Variants in CEACAM8 observed in about 807,000 individuals in gnomAD.
The protein encoded by CEACAM8 is cell adhesion molecule CEACAM8.
In CEACAM8, 31 loss-of-function variants were observed where a neutral mutation model predicts 33.4. That is an observed-to-expected ratio of 0.93 (90% CI 0.70 to 1.25). CEACAM8 has a LOEUF of 1.25. Ranked by LOEUF, CEACAM8 falls within the 50% of genes most tolerant of loss-of-function variation. The pLI, the probability that CEACAM8 is intolerant of heterozygous loss-of-function variation, is 0.00. For synonymous variants in CEACAM8, 138 were observed against 164.5 expected (o/e 0.84, Z 1.23); for missense variants, 388 against 434.6 (o/e 0.89, Z 0.95).
Position 42,589,005 on chromosome 19 carries a change from T to A in CEACAM8, c.737A>T (p.Asp246Val), listed in dbSNP as rs745750235. 4.0e-5 allele frequency: 64 copies of A among 1,613,808 alleles called. No individual in the cohort carries two copies. The highest frequency in any genetic ancestry group is 4.2e-5 in the Non-Finnish European group (50 of 1,179,858). Residue 246 changes from aspartate to valine, a missense_variant, in exon 4 of 6, where the codon GAC (aspartate) becomes GTC (valine). Transcript: ENST00000244336. Reference sequence around the variant, plus strand: ...ATTTACCCCTGCATGGTAATAGGTGTCTGAAGGGGAAATGGTGGGGGCATC... The same window carrying A: ...ATTTACCCCTGCATGGTAATAGGTGACTGAAGGGGAAATGGTGGGGGCATC... ...GPDAPTISPS[D>V]TYYHAGVNLN...
chr19:42,589,391 G>T, intron 3 of CEACAM8, 66 bp downstream of exon 3: 2 of 1,609,238 alleles, frequency 1.2e-6, no homozygotes, highest in South Asian at 1.1e-5. Context: ...GGACTGAGAG[G>T]CCTGGCCTCT....
intron 3 of CEACAM8, 84 bp from the exon 4 acceptor site, chr19:42,589,122 C>A: frequency 6.6e-7 from 1 of 1,510,656 alleles, no homozygotes. Flanking sequence ...CAGTGTCCCT[C>A]TGAGCCAAGT....
In CEACAM8 at chr19:42,580,902, A is replaced by C. The variant is rs1415984714; in HGVS notation, c.*492T>G. On this transcript the variant is annotated 3_prime_UTR_variant, in exon 6 of 6. Coordinates refer to ENST00000244336, the MANE Select transcript of CEACAM8 (RefSeq NM_001816.4). ...AGTCAGGAGATTGAGACCACAGTGA[A>C]ACCCCGTCTCTACTAAAAATACAAA... The C allele has an allele frequency of 6.6e-6, 1 of 152,000 alleles. No individual in the cohort carries two copies. Among genetic ancestry groups the C allele is most frequent in the Non-Finnish European group, 1.5e-5 (1 of 68,006 alleles). The allele number at this position is 152,000 out of a possible 1,614,324, so 9.4% of individuals were successfully genotyped here.
In CEACAM8 at chr19:42,594,825, C is replaced by T; in HGVS notation, c.4G>A (p.Gly2Arg). 1 of 1,610,192 alleles carries T rather than the reference C, an allele frequency of 6.2e-7. No individual in the cohort carries two copies. Residue 2 changes from glycine to arginine, a missense_variant, in exon 1 of 6, where the codon GGG becomes AGG. Gly to Arg is a moderately radical substitution (Grantham distance 125, BLOSUM62 -2). Transcript: ENST00000244336. Reference sequence around the variant, plus strand: ...CTGCAGGAAGGGGCTGAGATGGGCCCCATGGTCTCTGCTGCCTGCGTGTTC... The same window carrying T: ...CTGCAGGAAGGGGCTGAGATGGGCCTCATGGTCTCTGCTGCCTGCGTGTTC... M[G>R]PISAPSCRWR...
At chr19:42,581,944 T>TATATATATATATATATATATAA (rs2042267891) in intron 5 of CEACAM8, among the ~76,000 whole-genome samples, 1 of 101,066 alleles carries the variant, frequency 9.9e-6, no homozygotes, top group African/African-American at 4.0e-5. Context: ...TATATATATA[T>TATATATATATATATATATATAA]ATAAAATAAG....
intron 5 of CEACAM8, among the ~76,000 whole-genome samples, chr19:42,582,552 C>G (rs2042275243): frequency 6.6e-6 from 1 of 151,594 alleles, no homozygotes; most frequent in Non-Finnish European, 1.5e-5. Context: ...AGGTTGCTTG[C>G]TTTGAAGGGT....
At chr19:42,584,065 GT>G (rs2042295739) in intron 4 of CEACAM8, among the ~76,000 whole-genome samples, 2 of 152,198 alleles carry the variant, frequency 1.3e-5, no homozygotes, top group East Asian at 1.9e-4. Context: ...ATCTCAGTGG[GT>G]TAAAAACTAA....
intron 4 of CEACAM8, among the ~76,000 whole-genome samples, chr19:42,583,866 A>G (rs542023572): frequency 2.6e-5 from 4 of 152,342 alleles, no homozygotes; most frequent in African/African-American, 7.2e-5. Context: ...AGGACGCCCC[A>G]TCAGCCTTGC....
chr19:42,592,341 A>C (rs774840063), intron 2 of CEACAM8, among the ~76,000 whole-genome samples: 78 of 152,198 alleles, frequency 5.1e-4, no homozygotes, highest in Admixed American at 2.2e-3. Context: ...GCAGTGGCTC[A>C]TGCCTGTAAT....
intron 4 of CEACAM8, among the ~76,000 whole-genome samples, chr19:42,586,769 A>T (rs939093624): frequency 6.6e-6 from 1 of 152,236 alleles, no homozygotes; most frequent in Non-Finnish European, 1.5e-5. Context: ...TTTATATATC[A>T]AAGAACATTG....
In CEACAM8 at chr19:42,581,108, C is replaced by T. The variant is rs948589138; in HGVS notation, c.*286G>A. 4 of 148,868 alleles carry T rather than the reference C, an allele frequency of 2.7e-5. No individual in the cohort carries two copies. Among genetic ancestry groups the T allele is most frequent in the African/African-American group, 9.9e-5 (4 of 40,446 alleles). The allele number at this position is 148,868 out of a possible 1,614,324, so 9.2% of individuals were successfully genotyped here. ...AAAAAAAAAAAAAAAATCTTAAAAA[C>T]ATTATCCTCATTATTATTTAGTTCA... On this transcript the variant is annotated 3_prime_UTR_variant, in exon 6 of 6. Coordinates refer to ENST00000244336, the MANE Select transcript of CEACAM8 (RefSeq NM_001816.4).
intron 4 of CEACAM8, among the ~76,000 whole-genome samples, chr19:42,587,974 G>A (rs986077819): frequency 6.6e-6 from 1 of 152,170 alleles, no homozygotes; most frequent in African/African-American, 2.4e-5. Context: ...CTCCAGCCTG[G>A]GCAACTGGCA....
intron 4 of CEACAM8, among the ~76,000 whole-genome samples, chr19:42,585,002 A>G (rs2042311121): frequency 6.6e-6 from 1 of 152,210 alleles, no homozygotes; most frequent in Admixed American, 6.5e-5. Context: ...AAAATCAGAA[A>G]TGAAAATGGA....
intron 1 of CEACAM8, 101 bp from the exon 2 acceptor site, chr19:42,594,001 A>ATG: frequency 7.9e-7 from 1 of 1,265,086 alleles, no homozygotes; most frequent in Non-Finnish European, 1.1e-6. Flanking sequence ...ATGTGTGTGT[A>ATG]TGTGTGTGTG....
chr19:42,585,202 T>C (rs2042314874), intron 4 of CEACAM8, among the ~76,000 whole-genome samples: 1 of 150,406 alleles, frequency 6.6e-6, no homozygotes, highest in African/African-American at 2.4e-5. Context: ...GGAAGCTGAG[T>C]TGGGAGGATT....
Position 42,580,905 on chromosome 19 carries a change from C to T in CEACAM8, c.*489G>A, listed in dbSNP as rs373906867. 6.6e-5 allele frequency: 10 copies of T among 151,760 alleles called. No individual in the cohort carries two copies. Among genetic ancestry groups the T allele is most frequent in the African/African-American group, 2.4e-4 (10 of 41,290 alleles). The allele number at this position is 151,760 out of a possible 1,614,324, so 9.4% of individuals were successfully genotyped here. On this transcript the variant is annotated 3_prime_UTR_variant, in exon 6 of 6. Transcript: ENST00000244336. ...CAGGAGATTGAGACCACAGTGAAACCCCGTCTCTACTAAAAATACAAAAAA... is the reference window on the plus strand; with the variant it reads ...CAGGAGATTGAGACCACAGTGAAACTCCGTCTCTACTAAAAATACAAAAAA...
intron 2 of CEACAM8, among the ~76,000 whole-genome samples, chr19:42,591,190 A>T (rs907239444): frequency 6.6e-6 from 1 of 152,210 alleles, no homozygotes; most frequent in African/African-American, 2.4e-5. Flanking sequence ...GGAAACATGA[A>T]TTTTTTTCCA....
chr19:42,589,674 A>G lies in CEACAM8; in HGVS notation c.486T>C (p.Ala162=), dbSNP rs773922679. 2 of 1,614,232 alleles carry G rather than the reference A, an allele frequency of 1.2e-6. No individual in the cohort carries two copies. The highest frequency in any genetic ancestry group is 1.7e-6 in the Non-Finnish European group (2 of 1,180,032). Reference sequence around the variant, plus strand: ...TCTCAGGTTCACAGGTGAAGGCCACAGCATCCTTGTCCTCCACGGGGTTGG... The same window carrying G: ...TCTCAGGTTCACAGGTGAAGGCCACGGCATCCTTGTCCTCCACGGGGTTGG... ...NNSNPVEDKD[A]VAFTCEPETQ... Residue 162 remains alanine (A), a synonymous_variant, in exon 3 of 6, where the codon GCT becomes GCC. Transcript: ENST00000244336.
chr19:42,591,855 G>A (rs1225615791), intron 2 of CEACAM8, among the ~76,000 whole-genome samples: 2 of 152,190 alleles, frequency 1.3e-5, no homozygotes, highest in South Asian at 2.1e-4. Context: ...TCGAGTGTGT[G>A]TCACATGTTG....
Sources: gnomAD v4.1 joint callset for allele counts (sites outside exome capture counted in the v4.1 genomes callset) on GRCh38, gnomAD v4.1.1 for gene constraint, MANE v1.5 for transcripts, NCBI Gene and HGNC (gene_info 2026-07-23, HGNC 2026-07-21) for gene names.